The following TPPP3 variants were observed in gnomAD, a reference collection of about 807,000 sequenced individuals.
TPPP3 encodes tubulin polymerization-promoting protein family member 3.
A neutral mutation model predicts 13.1 loss-of-function variants in TPPP3; 7 were observed. That is an observed-to-expected ratio of 0.54 (90% CI 0.30 to 1.01). The LOEUF is 1.01. Among genes scored for constraint, TPPP3 ranks in the 50% least tolerant of loss-of-function variants. TPPP3 has a pLI of 0.06. For missense variants in TPPP3, 185 were observed against 235.0 expected, an observed-to-expected ratio of 0.79 and a Z score of 1.39; for synonymous variants, 87 against 93.7, an observed-to-expected ratio of 0.93 and a Z score of 0.41.
chr16:67,392,764 G>A lies in TPPP3; in HGVS notation c.-7+616C>T, dbSNP rs114976272. On this transcript the variant is annotated intron_variant, in intron 1 of 3. Coordinates refer to ENST00000393957, the MANE Select transcript of TPPP3 (RefSeq NM_015964.4). The surrounding 1 kb of genome is among the most constrained non-coding windows in gnomAD (Gnocchi z 4.9). ...AGTGACCACGGCCTGGGCTCTGCCCGGCTGCCCCATCTTCCACCAAAAACT... is the reference window on the plus strand; with the variant it reads ...AGTGACCACGGCCTGGGCTCTGCCCAGCTGCCCCATCTTCCACCAAAAACT... Among the ~76,000 whole-genome samples, 23 of 152,224 alleles carry A rather than the reference G, an allele frequency of 1.5e-4. 1 individual carries two copies. The highest frequency in any genetic ancestry group is 4.8e-4 in the African/African-American group (20 of 41,520).
rs750782865 is a variant in TPPP3 at position 67,390,159 on chromosome 16, C to T, written c.*15G>A. The T allele has an allele frequency of 2.8e-5, 45 of 1,610,170 alleles. No homozygotes were observed. Among genetic ancestry groups the T allele is most frequent in the Middle Eastern group, 1.7e-4 (1 of 6,052 alleles). On this transcript the variant is annotated 3_prime_UTR_variant, in exon 4 of 4. Coordinates refer to ENST00000393957, the MANE Select transcript of TPPP3 (RefSeq NM_015964.4). This position sits in a 1 kb window ranked among gnomAD's most constrained non-coding sequence, Gnocchi z 6.4. Reference sequence around the variant, plus strand: ...GCAGGGGCAGCCGCACTTGGCAGGGCGGTCTTCCCAAGCCTCACTTCTTCA... The same window carrying T: ...GCAGGGGCAGCCGCACTTGGCAGGGTGGTCTTCCCAAGCCTCACTTCTTCA...
chr16:67,390,933 G>C lies in TPPP3; in HGVS notation c.179C>G (p.Ser60Cys). The change falls in exon 2 of 4, where the codon TCC becomes TGC. Residue 60 changes from serine to cysteine, a missense_variant. Transcript: ENST00000393957. This position sits in a 1 kb window ranked among gnomAD's most constrained non-coding sequence, Gnocchi z 6.4. ...VTGTDVDIVF[S>C]KVKGKSARVI... ...GCTGCTTAGGGCTCACTTGACTTTG[G>C]AGAAGACGATGTCCACATCGGTCCC... The C allele has an allele frequency of 6.2e-7, 1 of 1,614,018 alleles. No individual in the cohort carries two copies. Among genetic ancestry groups the C allele is most frequent in the Non-Finnish European group, 8.5e-7 (1 of 1,179,916 alleles).
chr16:67,392,861 TACAG>T lies in TPPP3; in HGVS notation c.-7+515_-7+518del. On this transcript the variant is annotated intron_variant, in intron 1 of 3. Coordinates refer to ENST00000393957, the MANE Select transcript of TPPP3 (RefSeq NM_015964.4). The surrounding 1 kb of genome is among the most constrained non-coding windows in gnomAD (Gnocchi z 4.9). ...CTGTGAGCACCGGTGGTTCCTACGT[TACAG>T]GGACCATAACCCCAGTCCACGCTGC... The T allele has an allele frequency of 8.4e-6, 5 of 592,618 alleles. No homozygotes were observed. The highest frequency in any genetic ancestry group is 1.1e-5 in the Non-Finnish European group (5 of 470,906). 36.7% of individuals were successfully genotyped at this position (592,618 alleles called of 1,614,324 possible).
Position 67,393,320 on chromosome 16 carries a change from C to A in TPPP3, c.-7+60G>T. 2.0e-6 allele frequency: 2 copies of A among 985,338 alleles called. No homozygotes were observed. The highest frequency in any genetic ancestry group is 2.4e-6 in the Non-Finnish European group (2 of 829,806). 61.0% of individuals were successfully genotyped at this position (985,338 alleles called of 1,614,324 possible). A position where few individuals can be genotyped will look rare whatever the true frequency, so the allele number is the denominator to read the frequency against. On this transcript the variant is annotated intron_variant, in intron 1 of 3. Coordinates refer to ENST00000393957, the MANE Select transcript of TPPP3 (RefSeq NM_015964.4). The surrounding 1 kb of genome is among the most constrained non-coding windows in gnomAD (Gnocchi z 5.4). The stretch of plus-strand genomic sequence containing the variant: ...CCCTTTCCAGGCTGCTCCCCCCAAC[C>A]CTCATCGTGCAGGATACTGATTGGG...
rs1303487306 is a variant in TPPP3 at position 67,390,757 on chromosome 16, G to A, written c.189-125C>T. The A allele has an allele frequency of 1.0e-5, 15 of 1,450,740 alleles. No homozygotes were observed. The highest frequency in any genetic ancestry group is 9.5e-5 in the South Asian group (7 of 73,824). The allele number at this position is 1,450,740 out of a possible 1,614,324, so 89.9% of individuals were successfully genotyped here. A position where few individuals can be genotyped will look rare whatever the true frequency, so the allele number is the denominator to read the frequency against. On this transcript the variant is annotated intron_variant, in intron 2 of 3. Coordinates refer to ENST00000393957, the MANE Select transcript of TPPP3 (RefSeq NM_015964.4). The surrounding 1 kb of genome is among the most constrained non-coding windows in gnomAD (Gnocchi z 6.4). Reference sequence around the variant, plus strand: ...TTTCTTTCCCACGTTTGGGGAAGTCGCAGGGGTCAGCAACTCTGGAGGGCA... The same window carrying A: ...TTTCTTTCCCACGTTTGGGGAAGTCACAGGGGTCAGCAACTCTGGAGGGCA...
rs3785095 is a variant in TPPP3, at chr16:67,392,966, G to A, written c.-7+414C>T. The A allele has an allele frequency of 2.7e-4, 266 of 985,512 alleles. 5 individuals are homozygous for A. In the East Asian group the frequency reaches 0.025, roughly 92 times the overall value. The allele number at this position is 985,512 out of a possible 1,614,324, so 61.0% of individuals were successfully genotyped here. A position where few individuals can be genotyped will look rare whatever the true frequency, so the allele number is the denominator to read the frequency against. On this transcript the variant is annotated intron_variant, in intron 1 of 3. Coordinates refer to ENST00000393957, the MANE Select transcript of TPPP3 (RefSeq NM_015964.4). The surrounding 1 kb of genome is among the most constrained non-coding windows in gnomAD (Gnocchi z 4.9). Reference sequence around the variant, plus strand: ...CCGCACTTGGTTCACCAAGGGTAACGTCCAGGGGAGCTTGGATGCCACAGG... The same window carrying A: ...CCGCACTTGGTTCACCAAGGGTAACATCCAGGGGAGCTTGGATGCCACAGG...
Position 67,390,863 on chromosome 16 carries a change from TCCAG to T in TPPP3, c.188+57_188+60del, listed in dbSNP as rs974254587. On this transcript the variant is annotated intron_variant, in intron 2 of 3. Coordinates refer to ENST00000393957, the MANE Select transcript of TPPP3 (RefSeq NM_015964.4). This position sits in a 1 kb window ranked among gnomAD's most constrained non-coding sequence, Gnocchi z 6.4. ...ACCCCTTCTTGATGTCCTCCCTGGT[TCCAG>T]CCCCCCAGTTCCCCACCTCCTGGGA... 1.3e-6 allele frequency: 2 copies of T among 1,560,952 alleles called. No homozygotes were observed. Among genetic ancestry groups the T allele is most frequent in the Admixed American group, 1.8e-5 (1 of 55,160 alleles).
At position 67,390,224 on chromosome 16, in the gene TPPP3, C is replaced by A. The variant is rs199757162; in HGVS notation, c.481G>T (p.Val161Leu). ...GTGCCTGCATTCTTGTAGGCGCTCA[C>A]GTAGCCACTGTCGTCCAGGATGTCC... The part of the protein sequence containing the change: ...RQDILDDSGY[V>L]SAYKNAGTYD... The change falls in exon 4 of 4, where the codon GTG becomes TTG. Residue 161 changes from valine to leucine, a missense_variant. By Grantham distance (32) the Val-to-Leu change is conservative (BLOSUM62 1). Coordinates refer to ENST00000393957, the MANE Select transcript of TPPP3 (RefSeq NM_015964.4). This position sits in a 1 kb window ranked among gnomAD's most constrained non-coding sequence, Gnocchi z 6.4. 3 of 1,614,116 alleles carry A rather than the reference C, an allele frequency of 1.9e-6. No individual in the cohort carries two copies. In the African/African-American group the frequency reaches 4.0e-5, roughly 22 times the overall value.
chr16:67,392,330 C>T lies in TPPP3; in HGVS notation c.-7+1050G>A, dbSNP rs185615255. ...AGTGCCCCCCACACCCACAGCCCTC[C>T]GCTGCAGACCCCTGGCCACACCCTG... is the stretch of plus-strand genomic sequence containing the variant. On this transcript the variant is annotated intron_variant, in intron 1 of 3. Transcript: ENST00000393957. The surrounding 1 kb of genome is among the most constrained non-coding windows in gnomAD (Gnocchi z 4.9). Among the ~76,000 whole-genome samples the T allele has an allele frequency of 1.8e-3, 267 of 151,662 alleles. No individual in the cohort carries two copies. Among genetic ancestry groups the T allele is most frequent in the African/African-American group, 6.0e-3 (248 of 41,296 alleles).
rs897949428 is a variant in TPPP3, at chr16:67,390,272, C to T, written c.433G>A (p.Gly145Ser). 3.7e-6 allele frequency: 6 copies of T among 1,614,210 alleles called. No individual in the cohort carries two copies. The highest frequency in any genetic ancestry group is 5.1e-6 in the Non-Finnish European group (6 of 1,180,038). The change falls in exon 4 of 4, where the codon GGC becomes AGC. Residue 145 changes from glycine to serine, a missense_variant. Transcript: ENST00000393957. The surrounding 1 kb of genome is among the most constrained non-coding windows in gnomAD (Gnocchi z 6.4). ...HKERFDESGK[G>S]KGIAGRQDIL... ...TCCTGCCGTCCCGCAATGCCCTTGC[C>T]CTTGCCGCTCTCATCGAAGCGCTCC...
In TPPP3 at chr16:67,392,023, G is replaced by GTCGT. The variant is rs920032116; in HGVS notation, c.-6-910_-6-907dup. The GTCGT allele has an allele frequency of 6.6e-6, 1 of 152,650 alleles. No homozygotes were observed. Among genetic ancestry groups the GTCGT allele is most frequent in the African/African-American group, 2.4e-5 (1 of 41,378 alleles). 9.5% of individuals were successfully genotyped at this position (152,650 alleles called of 1,614,324 possible). A position where few individuals can be genotyped will look rare whatever the true frequency, so the allele number is the denominator to read the frequency against. ...GGCTGTAGAGTTACGAACCCCAAGAGTCGTGCTGGCAAGTGGGGCTGTGGC... is the reference window on the plus strand; with the variant it reads ...GGCTGTAGAGTTACGAACCCCAAGAGTCGTTCGTGCTGGCAAGTGGGGCTGTGGC... On this transcript the variant is annotated intron_variant, in intron 1 of 3. Coordinates refer to ENST00000393957, the MANE Select transcript of TPPP3 (RefSeq NM_015964.4). The surrounding 1 kb of genome is among the most constrained non-coding windows in gnomAD (Gnocchi z 4.9).
chr16:67,390,109 C>A lies in TPPP3; in HGVS notation c.*65G>T. On this transcript the variant is annotated 3_prime_UTR_variant, in exon 4 of 4. Coordinates refer to ENST00000393957, the MANE Select transcript of TPPP3 (RefSeq NM_015964.4). This position sits in a 1 kb window ranked among gnomAD's most constrained non-coding sequence, Gnocchi z 6.4. ...ACCAGGATCTCTTGCTCCACGTGCC[C>A]CTTAGACCCAGGCCTGAGCCTCTGG... The A allele has an allele frequency of 6.4e-7, 1 of 1,550,652 alleles. No homozygotes were observed. The highest frequency in any genetic ancestry group is 8.8e-7 in the Non-Finnish European group (1 of 1,136,608).
In TPPP3 at chr16:67,390,676, C is replaced by G; in HGVS notation, c.189-44G>C. 4.4e-6 allele frequency: 7 copies of G among 1,575,854 alleles called. No homozygotes were observed. The highest frequency in any genetic ancestry group is 6.0e-6 in the Non-Finnish European group (7 of 1,165,278). ...CCATGAGGGTTCCCCTTTCTTTTTT[C>G]TCCCCCAGGGGAAAGCTCAAACACA... On this transcript the variant is annotated intron_variant, in intron 2 of 3. Transcript: ENST00000393957. This position sits in a 1 kb window ranked among gnomAD's most constrained non-coding sequence, Gnocchi z 6.4.
Position 67,391,017 on chromosome 16 carries a change from C to T in TPPP3, c.95G>A (p.Gly32Asp). The T allele has an allele frequency of 6.2e-7, 1 of 1,614,238 alleles. No individual in the cohort carries two copies. Among genetic ancestry groups the T allele is most frequent in the Non-Finnish European group, 8.5e-7 (1 of 1,180,044 alleles). The change falls in exon 2 of 4, where the codon GGC (glycine) becomes GAC (aspartate). Residue 32 changes from glycine (G) to aspartate (D), a missense_variant. By Grantham distance (94) the Gly-to-Asp change is moderately conservative. Coordinates refer to ENST00000393957, the MANE Select transcript of TPPP3 (RefSeq NM_015964.4). The surrounding 1 kb of genome is among the most constrained non-coding windows in gnomAD (Gnocchi z 6.3). ...CTTGCACAGCTTGGCCCAGTTCTTGCCATTCATCTCTTGCCCACTGGCCTT... is the reference window on the plus strand; with the variant it reads ...CTTGCACAGCTTGGCCCAGTTCTTGTCATTCATCTCTTGCCCACTGGCCTT... ...DPKASGQEMN[G>D]KNWAKLCKDC...
Position 67,390,340 on chromosome 16 carries a change from AC to A in TPPP3, c.364del (p.Val122Ter), listed in dbSNP as rs2040310965. 1.2e-6 allele frequency: 2 copies of A among 1,613,772 alleles called. No individual in the cohort carries two copies. The highest frequency in any genetic ancestry group is 1.7e-6 in the Non-Finnish European group (2 of 1,179,862). On this transcript the variant is annotated frameshift_variant, in exon 4 of 4. Transcript: ENST00000393957. LOFTEE classifies it high-confidence loss of function. The surrounding 1 kb of genome is among the most constrained non-coding windows in gnomAD (Gnocchi z 6.4). ...GVTKAKTGGA[V>X]DRLTDTSRYT... ...TCTGCTGGTGTCCGTCAGCCGGTCT[AC>A]AGCACCCCCTGTTTTTGCTTTCTGT...
rs1053612 is a variant in TPPP3 at position 67,390,036 on chromosome 16, A to G, written c.*138T>C. On this transcript the variant is annotated 3_prime_UTR_variant, in exon 4 of 4. Coordinates refer to ENST00000393957, the MANE Select transcript of TPPP3 (RefSeq NM_015964.4). This position sits in a 1 kb window ranked among gnomAD's most constrained non-coding sequence, Gnocchi z 6.4. Reference sequence around the variant, plus strand: ...GGTCAGAGGCCTGGTGGGCCAGCCCAGTGGGACTAGGCAGGAAGCTCTGGG... The same window carrying G: ...GGTCAGAGGCCTGGTGGGCCAGCCCGGTGGGACTAGGCAGGAAGCTCTGGG... 0.11 allele frequency: 103,441 copies of G among 929,328 alleles called. 13,329 individuals carry two copies. The highest frequency in any genetic ancestry group is 0.57 in the African/African-American group (34,164 of 59,852). The allele number at this position is 929,328 out of a possible 1,614,324, so 57.6% of individuals were successfully genotyped here.
chr16:67,391,151 A>T lies in TPPP3; in HGVS notation c.-6-34T>A. The stretch of plus-strand genomic sequence containing the variant: ...ACCCACCTGGGTCATCTCCCAGCCA[A>T]TCTGCCCTTCCCCTCCCCCAAGCCC... On this transcript the variant is annotated intron_variant, in intron 1 of 3. Transcript: ENST00000393957. The surrounding 1 kb of genome is among the most constrained non-coding windows in gnomAD (Gnocchi z 6.3). The T allele has an allele frequency of 6.2e-7, 1 of 1,601,190 alleles. No homozygotes were observed. The highest frequency in any genetic ancestry group is 8.5e-7 in the Non-Finnish European group (1 of 1,171,462).
chr16:67,391,137 T>A lies in TPPP3; in HGVS notation c.-6-20A>T. 1 of 1,610,368 alleles carries A rather than the reference T, an allele frequency of 6.2e-7. No homozygotes were observed. The highest frequency in any genetic ancestry group is 8.5e-7 in the Non-Finnish European group (1 of 1,177,886). The stretch of plus-strand genomic sequence containing the variant: ...GCCACCCTATAGAGACCCACCTGGG[T>A]CATCTCCCAGCCAATCTGCCCTTCC... On this transcript the variant is annotated intron_variant, in intron 1 of 3. Coordinates refer to ENST00000393957, the MANE Select transcript of TPPP3 (RefSeq NM_015964.4). The surrounding 1 kb of genome is among the most constrained non-coding windows in gnomAD (Gnocchi z 6.3).
rs1023869008 is a variant in TPPP3, at chr16:67,392,184, C to A, written c.-6-1067G>T. ...ACCCCCTGGGCCTTGTACCCCTGGC[C>A]ATACCTTCAGCCCTCCATCCTCCAT... On this transcript the variant is annotated intron_variant, in intron 1 of 3. Coordinates refer to ENST00000393957, the MANE Select transcript of TPPP3 (RefSeq NM_015964.4). The surrounding 1 kb of genome is among the most constrained non-coding windows in gnomAD (Gnocchi z 4.9). Among the ~76,000 whole-genome samples the A allele has an allele frequency of 1.3e-5, 2 of 151,956 alleles. No homozygotes were observed. Among genetic ancestry groups the A allele is most frequent in the Non-Finnish European group, 2.9e-5 (2 of 67,910 alleles).
Sources: allele counts gnomAD v4.1 joint callset (sites outside exome capture counted in the v4.1 genomes callset), GRCh38; gene constraint gnomAD v4.1.1; non-coding constraint Gnocchi (gnomAD v3.1); transcripts MANE v1.5; gene names NCBI Gene and HGNC (gene_info 2026-07-23, HGNC 2026-07-21).